RBPMS: variants seen among roughly 807,000 people sequenced by gnomAD.
RBPMS encodes RNA binding protein, mRNA processing factor.
Under a neutral mutation model 26.8 loss-of-function variants are expected in RBPMS, and 7 were observed. The observed-to-expected ratio is 0.26, with a 90% CI of 0.15 to 0.49. The LOEUF is 0.49. Among genes scored for constraint, RBPMS ranks in the 20% least tolerant of loss-of-function variants. The probability of loss-of-function intolerance (pLI) is 0.98; values close to 1 mark genes in which losing one functional copy is unlikely to be tolerated. For synonymous variants in RBPMS, 96 were observed against 93.3 expected, an observed-to-expected ratio of 1.03 and a Z score of -0.17; for missense variants, 186 against 250.0, an observed-to-expected ratio of 0.74 and a Z score of 1.73.
chr8:30,547,426 T>C, intron 6 of RBPMS: 1 of 1,589,424 alleles, frequency 6.3e-7, no homozygotes, highest in Non-Finnish European at 8.5e-7. Context: ...CATGTTGAAT[T>C]TGTTTGTTAG....
chr8:30,544,621 C>G lies in RBPMS; in HGVS notation c.525C>G (p.Ala175=). The change falls in exon 6 of 9, where the codon GCC becomes GCG. Residue 175 remains alanine (A), a synonymous_variant. Coordinates refer to ENST00000397323, the MANE Select transcript of RBPMS (RefSeq NM_001008710.3). ...TCACCTATCCCGCTTCACTGCATGC[C>G]CAGGTAATTGATACCCATCGGCCAG... ...PAFTYPASLH[A]QMRWLPPSEA... 6.2e-7 allele frequency: 1 copy of G among 1,614,026 alleles called. No individual in the cohort carries two copies. The highest frequency in any genetic ancestry group is 8.5e-7 in the Non-Finnish European group (1 of 1,180,034).
chr8:30,389,619 A>G (rs1807544874), intron 1 of RBPMS, among the ~76,000 whole-genome samples: 1 of 152,198 alleles, frequency 6.6e-6, no homozygotes, highest in African/African-American at 2.4e-5. Context: ...AAACGGTATC[A>G]TAAAGATTTA....
intron 1 of RBPMS, among the ~76,000 whole-genome samples, chr8:30,467,428 A>G (rs924104320): frequency 6.6e-6 from 1 of 152,210 alleles, no homozygotes; most frequent in Non-Finnish European, 1.5e-5. Context: ...TTTATGCTGC[A>G]TGGGTATGTG....
intron 1 of RBPMS, among the ~76,000 whole-genome samples, chr8:30,389,788 A>G (rs1359654709): frequency 6.6e-6 from 1 of 152,134 alleles, no homozygotes; most frequent in Non-Finnish European, 1.5e-5. Context: ...TACATGGATT[A>G]TAAAATATGT....
intron 6 of RBPMS, among the ~76,000 whole-genome samples, chr8:30,549,809 T>TCTCTCTCTCCCCCCTCTCTC (rs1826191460): frequency 3.9e-4 from 36 of 92,582 alleles, no homozygotes; most frequent in Admixed American, 1.7e-3. Flanking sequence ...CTCTCTCCTC[T>TCTCTCTCTCCCCCCTCTCTC]CTCTCTCTCT....
chr8:30,437,482 C>G (rs1182941907), intron 1 of RBPMS, among the ~76,000 whole-genome samples: 1 of 150,704 alleles, frequency 6.6e-6, no homozygotes, highest in Non-Finnish European at 1.5e-5. Context: ...TGGTAAAACT[C>G]CATCTCTACT....
Position 30,566,293 on chromosome 8 carries a change from T to C in RBPMS, c.*44T>C. ...GTGATGGCGGCTGCAATCTGTCTTG[T>C]GGGTATTAATGCAATCTTCAGTGGT... is the stretch of plus-strand genomic sequence containing the variant. On this transcript the variant is annotated 3_prime_UTR_variant, in exon 8 of 9. Transcript: ENST00000397323. 1.0e-6 allele frequency: 1 copy of C among 985,952 alleles called. No homozygotes were observed. Among genetic ancestry groups the C allele is most frequent in the Non-Finnish European group, 1.2e-6 (1 of 830,022 alleles). The allele number at this position is 985,952 out of a possible 1,614,324, so 61.1% of individuals were successfully genotyped here. A position where few individuals can be genotyped will look rare whatever the true frequency, so the allele number is the denominator to read the frequency against.
At chr8:30,432,818 T>TAAAC (rs138776728) in intron 1 of RBPMS, among the ~76,000 whole-genome samples, 62,145 of 151,746 alleles carry the variant, frequency 0.41, 14,445 homozygotes, top group African/African-American at 0.64. Context: ...AATAAATAAA[T>TAAAC]AAATAAAACG....
intron 6 of RBPMS, among the ~76,000 whole-genome samples, chr8:30,549,750 C>CTTTT (rs1554543794): frequency 2.6e-5 from 2 of 76,260 alleles, no homozygotes; most frequent in East Asian, 3.1e-4. Context: ...TTCTTTCTTT[C>CTTTT]CTTTTCTTTT....
At chr8:30,468,991 C>A (rs749023735) in intron 1 of RBPMS, among the ~76,000 whole-genome samples, 1 of 152,138 alleles carries the variant, frequency 6.6e-6, no homozygotes, top group Non-Finnish European at 1.5e-5. Flanking sequence ...CCTCAAGAGC[C>A]CAGCTCAGAG....
At chr8:30,389,889 G>T (rs1031367299) in intron 1 of RBPMS, among the ~76,000 whole-genome samples, 2 of 152,122 alleles carry the variant, frequency 1.3e-5, no homozygotes, top group African/African-American at 2.4e-5. Flanking sequence ...TGAAGTCAAG[G>T]TGTTGGCAGG....
At chr8:30,419,431 G>A (rs1051695649) in intron 1 of RBPMS, among the ~76,000 whole-genome samples, 1 of 126,822 alleles carries the variant, frequency 7.9e-6, no homozygotes, top group African/African-American at 3.0e-5. Context: ...GGGCGACAGA[G>A]TGAGATTGCA....
chr8:30,455,667 A>G (rs1234191379), intron 1 of RBPMS, among the ~76,000 whole-genome samples: 3 of 152,150 alleles, frequency 2.0e-5, no homozygotes, highest in Non-Finnish European at 4.4e-5. Flanking sequence ...AGGTGGGTGG[A>G]TCACGAGGTC....
At chr8:30,473,937 G>A (rs1817414860) in intron 1 of RBPMS, among the ~76,000 whole-genome samples, 1 of 152,110 alleles carries the variant, frequency 6.6e-6, no homozygotes, top group Non-Finnish European at 1.5e-5. Context: ...GGCTTGTCGG[G>A]GGCTTGAGGG....
At chr8:30,484,716 T>C (rs936450853) in intron 4 of RBPMS, among the ~76,000 whole-genome samples, 1 of 152,192 alleles carries the variant, frequency 6.6e-6, no homozygotes, top group African/African-American at 2.4e-5. Flanking sequence ...TAAGAAAATA[T>C]GCTGAGAAAA....
At chr8:30,544,852 C>T (rs1350797472) in intron 6 of RBPMS, 1 of 1,519,240 alleles carries the variant, frequency 6.6e-7, no homozygotes. Flanking sequence ...TGACACCTCT[C>T]TCTTCCTTAA....
At chr8:30,421,859 G>A (rs1291217440) in intron 1 of RBPMS, among the ~76,000 whole-genome samples, 2 of 151,990 alleles carry the variant, frequency 1.3e-5, no homozygotes, top group Non-Finnish European at 2.9e-5. Context: ...GGAGGCTGAG[G>A]CAGGGGAATT....
At chr8:30,513,587 CAAAAAAAAAAA>C (rs56184994) in intron 5 of RBPMS, among the ~76,000 whole-genome samples, 30,344 of 108,504 alleles carry the variant, frequency 0.28, 3,789 homozygotes, top group East Asian at 0.46. Context: ...GACTCCATCT[CAAAAAAAAAAA>C]AAAAAAAAAA....
chr8:30,558,284 G>A (rs1053838069), intron 6 of RBPMS: 3 of 153,868 alleles, frequency 1.9e-5, no homozygotes, highest in African/African-American at 7.2e-5. Context: ...GGAAGAGACA[G>A]GGCTGCTGGT....
Sources: allele counts gnomAD v4.1 joint callset (sites outside exome capture counted in the v4.1 genomes callset), GRCh38; gene constraint gnomAD v4.1.1; transcripts MANE v1.5; gene names NCBI Gene and HGNC (gene_info 2026-07-23, HGNC 2026-07-21).